Variants in PHF20L1 observed in about 807,000 individuals in gnomAD.
The protein encoded by PHF20L1 is PHD finger protein 20 like 1, also known as PHD finger protein 20-like protein 1.
Under a neutral mutation model 125.5 loss-of-function variants are expected in PHF20L1, and 44 were observed. That is an observed-to-expected ratio of 0.35 (90% CI 0.28 to 0.45). The LOEUF (loss-of-function observed/expected upper bound fraction) is 0.45, where lower values mean the gene tolerates loss of function less well. Among genes scored for constraint, PHF20L1 ranks in the 20% least tolerant of loss-of-function variants. The pLI, the probability that PHF20L1 is intolerant of heterozygous loss-of-function variation, is 1.00. For synonymous variants in PHF20L1, 380 were observed against 403.1 expected, an observed-to-expected ratio of 0.94 and a Z score of 0.69; for missense variants, 1,012 against 1,217.2, an observed-to-expected ratio of 0.83 and a Z score of 2.51.
intron 9 of PHF20L1, among the ~76,000 whole-genome samples, chr8:132,814,035 A>G (rs1221902101): frequency 1.3e-5 from 2 of 151,290 alleles, no homozygotes; most frequent in African/African-American, 2.4e-5. Context: ...TTTTAACTCT[A>G]TATTGCTGGT....
chr8:132,817,845 G>A lies in PHF20L1; in HGVS notation c.1579+300G>A, dbSNP rs141601987. 384 of 229,736 alleles carry A rather than the reference G, an allele frequency of 1.7e-3. 1 individual carries two copies. Among genetic ancestry groups the A allele is most frequent in the Middle Eastern group, 0.012 (8 of 648 alleles). 14.2% of individuals were successfully genotyped at this position (229,736 alleles called of 1,614,324 possible). On this transcript the variant is annotated intron_variant, in intron 12 of 20. Coordinates refer to ENST00000395386, the MANE Select transcript of PHF20L1 (RefSeq NM_016018.5). ...ACTAAATATAAATTATTAGAGCCAA[G>A]TATAGTTACAGGAATTCTTACTTTT...
intron 14 of PHF20L1, among the ~76,000 whole-genome samples, chr8:132,830,540 C>T (rs991676490): frequency 4.6e-5 from 7 of 152,016 alleles, no homozygotes; most frequent in African/African-American, 1.2e-4. Context: ...TTTTCCCACT[C>T]GTTTCCATCT....
At position 132,844,368 on chromosome 8, in the gene PHF20L1, A is replaced by G. The variant is rs575109815; in HGVS notation, c.2911+50A>G. 1.9e-5 allele frequency: 27 copies of G among 1,434,700 alleles called. 1 individual carries two copies. Among genetic ancestry groups the G allele is most frequent in the East Asian group, 4.6e-5 (2 of 43,402 alleles). The allele number at this position is 1,434,700 out of a possible 1,614,324, so 88.9% of individuals were successfully genotyped here. The stretch of plus-strand genomic sequence containing the variant: ...CAGTTACTATAGTGAATTTATTGTT[A>G]CTATGAAGAAGTTACTTAAAATTCT... On this transcript the variant is annotated intron_variant, in intron 20 of 20. Transcript: ENST00000395386.
rs1838564710 is a variant in PHF20L1 at position 132,848,439 on chromosome 8, A to G, written c.*2516A>G. The G allele has an allele frequency of 6.6e-6, 1 of 152,512 alleles. No individual in the cohort carries two copies. Among genetic ancestry groups the G allele is most frequent in the Admixed American group, 6.6e-5 (1 of 15,248 alleles). The allele number at this position is 152,512 out of a possible 1,614,324, so 9.4% of individuals were successfully genotyped here. A position where few individuals can be genotyped will look rare whatever the true frequency, so the allele number is the denominator to read the frequency against. On this transcript the variant is annotated 3_prime_UTR_variant, in exon 21 of 21. Coordinates refer to ENST00000395386, the MANE Select transcript of PHF20L1 (RefSeq NM_016018.5). ...GTTTCAGATGAGATTATTTTCTTTT[A>G]GTCTTTTTAAATATCACTATATGTA...
Position 132,842,763 on chromosome 8 carries a change from C to G in PHF20L1, c.2636C>G (p.Pro879Arg), listed in dbSNP as rs1055902935. ...FGQDCKSLAD[P>R]GSSDDDDVSS... ...CAGGACTGTAAATCTCTCGCAGACCCTGGGAGCTCAGATGATGATGATGTT... is the reference window on the plus strand; with the variant it reads ...CAGGACTGTAAATCTCTCGCAGACCGTGGGAGCTCAGATGATGATGATGTT... Residue 879 changes from proline to arginine, a missense_variant, in exon 19 of 21, where the codon CCT (proline) becomes CGT (arginine). Transcript: ENST00000395386. 10 of 1,613,314 alleles carry G rather than the reference C, an allele frequency of 6.2e-6. No homozygotes were observed. The Admixed American group carries it at 1.5e-4, about 24-fold the overall frequency.
chr8:132,783,356 C>T (rs1274180514), intron 2 of PHF20L1, among the ~76,000 whole-genome samples: 1 of 152,054 alleles, frequency 6.6e-6, no homozygotes, highest in Non-Finnish European at 1.5e-5. Flanking sequence ...GGAACATTTG[C>T]AAATGTGAGT....
intron 16 of PHF20L1, among the ~76,000 whole-genome samples, chr8:132,837,140 A>G (rs1339604196): frequency 6.6e-6 from 1 of 152,170 alleles, no homozygotes; most frequent in Non-Finnish European, 1.5e-5. Context: ...ATTTTGTTGC[A>G]GGAGTTAACA....
intron 8 of PHF20L1, chr8:132,809,990 G>A (rs1016362327): frequency 8.6e-5 from 13 of 151,714 alleles, no homozygotes; most frequent in Non-Finnish European, 1.9e-4. Context: ...TTAAAGCAGA[G>A]TTTTAATGTC....
At chr8:132,802,573 G>A (rs1444779404) in intron 6 of PHF20L1, among the ~76,000 whole-genome samples, 1 of 151,656 alleles carries the variant, frequency 6.6e-6, no homozygotes, top group East Asian at 1.9e-4. Flanking sequence ...AGTTGCGGTC[G>A]CTTGAATGCT....
rs191237909 is a variant in PHF20L1, at chr8:132,848,368, T to A, written c.*2445T>A. On this transcript the variant is annotated 3_prime_UTR_variant, in exon 21 of 21. Coordinates refer to ENST00000395386, the MANE Select transcript of PHF20L1 (RefSeq NM_016018.5). ...CAAGTAGTGCGCTGAGCTTTTCTTATTGAAGAGAGTGAATTAGTTTCTGAG... is the reference window on the plus strand; with the variant it reads ...CAAGTAGTGCGCTGAGCTTTTCTTAATGAAGAGAGTGAATTAGTTTCTGAG... 1 of 152,580 alleles carries A rather than the reference T, an allele frequency of 6.6e-6. No individual in the cohort carries two copies. The highest frequency in any genetic ancestry group is 6.5e-5 in the Admixed American group (1 of 15,272). The allele number at this position is 152,580 out of a possible 1,614,324, so 9.5% of individuals were successfully genotyped here. A position where few individuals can be genotyped will look rare whatever the true frequency, so the allele number is the denominator to read the frequency against.
At chr8:132,809,324 A>T (rs983730986) in intron 8 of PHF20L1, 1 of 151,692 alleles carries the variant, frequency 6.6e-6, no homozygotes, top group Non-Finnish European at 1.5e-5. Flanking sequence ...GTACGTCCAC[A>T]CCCAGCTAAT....
At chr8:132,828,262 C>A (rs1836405292) in intron 14 of PHF20L1, among the ~76,000 whole-genome samples, 1 of 151,900 alleles carries the variant, frequency 6.6e-6, no homozygotes, top group Non-Finnish European at 1.5e-5. Flanking sequence ...AATATTATTA[C>A]TTCATTTAAT....
intron 1 of PHF20L1, 123 bp from the exon 2 acceptor site, chr8:132,777,669 A>T (rs1829976095): frequency 3.6e-6 from 2 of 550,362 alleles, no homozygotes; most frequent in Non-Finnish European, 6.5e-6. Context: ...CAATTTGGCA[A>T]GTATTTCATA....
chr8:132,830,009 T>A (rs186631556), intron 14 of PHF20L1, among the ~76,000 whole-genome samples: 1 of 152,158 alleles, frequency 6.6e-6, no homozygotes, highest in East Asian at 1.9e-4. Flanking sequence ...TGCACATCAG[T>A]GGTTTAAAAA....
At position 132,846,050 on chromosome 8, in the gene PHF20L1, A is replaced by G; in HGVS notation, c.*127A>G. 2 of 682,988 alleles carry G rather than the reference A, an allele frequency of 2.9e-6. No homozygotes were observed. The highest frequency in any genetic ancestry group is 4.8e-6 in the Non-Finnish European group (2 of 415,538). 42.3% of individuals were successfully genotyped at this position (682,988 alleles called of 1,614,324 possible). ...TGGTCATTCACTGATTTGTGATGTC[A>G]ATAGGATGGCACCTTGGAAAGAAAA... On this transcript the variant is annotated 3_prime_UTR_variant, in exon 21 of 21. Transcript: ENST00000395386.
At chr8:132,832,456 G>A in intron 15 of PHF20L1, 57 bp downstream of exon 15, 1 of 1,276,126 alleles carries the variant, frequency 7.8e-7, no homozygotes, top group Non-Finnish European at 1.1e-6. Context: ...ATGTGTAACT[G>A]AGAATAAAAC....
At chr8:132,845,294 A>G (rs948527554) in intron 20 of PHF20L1, among the ~76,000 whole-genome samples, 7 of 152,178 alleles carry the variant, frequency 4.6e-5, no homozygotes, top group Admixed American at 1.3e-4. Flanking sequence ...TGAAAAGAAC[A>G]CTGAGAAATT....
chr8:132,779,286 A>G (rs766429451), intron 2 of PHF20L1, among the ~76,000 whole-genome samples: 13 of 152,218 alleles, frequency 8.5e-5, no homozygotes, highest in Non-Finnish European at 1.6e-4. Flanking sequence ...GTCTCCAGAC[A>G]TTGCCAAATG....
Position 132,780,083 on chromosome 8 carries a change from A to G in PHF20L1, c.83+2172A>G, listed in dbSNP as rs188672670. 4.4e-3 allele frequency among the ~76,000 whole-genome samples: 667 copies of G among 152,252 alleles called. 3 individuals are homozygous for G. Among genetic ancestry groups the G allele is most frequent in the African/African-American group, 0.015 (634 of 41,558 alleles). ...GGCACTCTGTTTCAGGTGGCTCCTT[A>G]TTTAAAAAAGGATTAAGAATATTGT... On this transcript the variant is annotated intron_variant, in intron 2 of 20. Transcript: ENST00000395386.
Sources: gnomAD v4.1 joint callset for allele counts (sites outside exome capture counted in the v4.1 genomes callset) on GRCh38, gnomAD v4.1.1 for gene constraint, MANE v1.5 for transcripts, NCBI Gene and HGNC (gene_info 2026-07-23, HGNC 2026-07-21) for gene names.